SLC2A5: variants seen among roughly 807,000 people sequenced by gnomAD.
SLC2A5 encodes solute carrier family 2, facilitated glucose transporter member 5.
Under a neutral mutation model 50.3 loss-of-function variants are expected in SLC2A5, and 56 were observed. The observed-to-expected ratio is 1.11, with a 90% confidence interval of 0.90 to 1.39. The LOEUF is 1.39. SLC2A5 is among the 40% of genes most tolerant of loss of function. The probability of loss-of-function intolerance (pLI) is 0.00; values close to 1 mark genes in which losing one functional copy is unlikely to be tolerated. For missense variants in SLC2A5, 566 were observed against 650.1 expected (o/e 0.87, Z 1.41); for synonymous variants, 269 against 281.9 (o/e 0.95, Z 0.46).
At position 9,040,203 on chromosome 1, in the gene SLC2A5, A is replaced by G. The variant is rs1301944072; in HGVS notation, c.572-14T>C. 5 of 1,545,546 alleles carry G rather than the reference A, an allele frequency of 3.2e-6. No individual in the cohort carries two copies. The highest frequency in any genetic ancestry group is 4.4e-6 in the Non-Finnish European group (5 of 1,146,606). ...GGATCGGCCAGCCTGGGAGGAAGGC[A>G]GCGAGCTGGCACCAGCGGCCTCCCC... On this transcript the variant is annotated splice_polypyrimidine_tract_variant and intron_variant, in intron 5 of 11. Transcript: ENST00000377424. This position sits in a 1 kb window ranked among gnomAD's most constrained non-coding sequence, Gnocchi z 4.3.
At chr1:9,081,045 C>T (rs1328829371) in intron 2 of SLC2A5, among the ~76,000 whole-genome samples, 3 of 151,996 alleles carry the variant, frequency 2.0e-5, no homozygotes, top group Non-Finnish European at 4.4e-5. Context: ...TAAGACTGGC[C>T]TGGACAATGT....
upstream of SLC2A5, among the ~76,000 whole-genome samples, chr1:9,092,169 G>A (rs910765910): frequency 2.0e-5 from 3 of 152,102 alleles, no homozygotes; most frequent in African/African-American, 7.2e-5. Flanking sequence ...AGGCTGACTT[G>A]GGTAAAACAT....
intron 5 of SLC2A5, 182 bp downstream of exon 5, chr1:9,041,603 G>A (rs539577535): frequency 4.8e-5 from 70 of 1,448,736 alleles, no homozygotes; most frequent in South Asian, 1.4e-4. Context: ...CCCTTATCGC[G>A]CCTTTGTCCA....
At position 9,037,240 on chromosome 1, in the gene SLC2A5, G is replaced by GT. The variant is rs1439155686; in HGVS notation, c.*345dup. Reference sequence around the variant, plus strand: ...TGATTCCTTCCATCTCACCACTATAGTAACTGTTGTTGTTATGTTACCAGG... The same window carrying GT: ...TGATTCCTTCCATCTCACCACTATAGTTAACTGTTGTTGTTATGTTACCAGG... On this transcript the variant is annotated 3_prime_UTR_variant, in exon 12 of 12. Coordinates refer to ENST00000377424, the MANE Select transcript of SLC2A5 (RefSeq NM_003039.3). The GT allele has an allele frequency of 2.1e-5, 6 of 291,532 alleles. No homozygotes were observed. Among genetic ancestry groups the GT allele is most frequent in the Non-Finnish European group, 2.6e-5 (4 of 151,110 alleles). 18.1% of individuals were successfully genotyped at this position (291,532 alleles called of 1,614,324 possible).
chr1:9,077,760 AGAGGGAGG>A (rs897950832), intron 2 of SLC2A5, among the ~76,000 whole-genome samples: 1 of 101,852 alleles, frequency 9.8e-6, no homozygotes, highest in Non-Finnish European at 1.9e-5. Flanking sequence ...AGGGAGGGAG[AGAGGGAGG>A]GAGGGAGGGA....
intron 2 of SLC2A5, among the ~76,000 whole-genome samples, chr1:9,077,696 G>A (rs564919380): frequency 2.1e-5 from 3 of 142,564 alleles, no homozygotes; most frequent in South Asian, 2.4e-4. Context: ...AGTGAGCCGA[G>A]ATCATTCCAT....
upstream of SLC2A5, among the ~76,000 whole-genome samples, chr1:9,091,120 T>A (rs1342365230): frequency 1.3e-5 from 2 of 152,318 alleles, no homozygotes; most frequent in Non-Finnish European, 2.9e-5. Flanking sequence ...TATTTCTGAA[T>A]ATGGATAGCA....
chr1:9,049,138 A>T (rs1365205822), intron 3 of SLC2A5: 1 of 456,208 alleles, frequency 2.2e-6, no homozygotes, highest in South Asian at 1.5e-5. Flanking sequence ...ACTTCTCTGG[A>T]GGGGCCTCTC....
rs1384650007 is a variant in SLC2A5 at position 9,063,782 on chromosome 1, G to A, written c.34-5532C>T. On this transcript the variant is annotated intron_variant, in intron 1 of 11. Transcript: ENST00000377424. ...GCGATCTCGGCTCACTGCAAGCTCC[G>A]CCTCCCGGGTTCACGCCATTCTCCT... is the stretch of plus-strand genomic sequence containing the variant. Among the ~76,000 whole-genome samples the A allele has an allele frequency of 5.2e-5, 6 of 114,900 alleles. 1 individual carries two copies. Among genetic ancestry groups the A allele is most frequent in the African/African-American group, 1.9e-4 (5 of 26,628 alleles). The allele number at this position is 114,900 out of a possible 152,430, so 75.4% of individuals were successfully genotyped here.
chr1:9,057,213 G>A (rs1366872544), intron 3 of SLC2A5, among the ~76,000 whole-genome samples: 3 of 151,514 alleles, frequency 2.0e-5, no homozygotes, highest in Non-Finnish European at 2.9e-5. Flanking sequence ...TTGAACCTGG[G>A]AGGCGGAGGT....
Position 9,040,093 on chromosome 1 carries a change from T to C in SLC2A5, c.668A>G (p.Gln223Arg), listed in dbSNP as rs1237876654. Residue 223 changes from glutamine (Q) to arginine (R), a missense_variant, in exon 6 of 12, where the codon CAG becomes CGG. Transcript: ENST00000377424. The surrounding 1 kb of genome is among the most constrained non-coding windows in gnomAD (Gnocchi z 4.3). ...FPESPRYLLI[Q>R]KKDEAAAKKA... ...CTTGGCGGCCGCTTCGTCTTTCTTC[T>C]GAATCAGCAGGTACCTGGGGCTCTC... The C allele has an allele frequency of 1.9e-6, 3 of 1,594,934 alleles. No homozygotes were observed. The highest frequency in any genetic ancestry group is 2.6e-6 in the Non-Finnish European group (3 of 1,170,558).
chr1:9,037,447 TG>T lies in SLC2A5; in HGVS notation c.*138del. ...GCCCTTTGCACAGTTCCCACTGGGGTGGGGAGGCTGGAGATGAGGACTGCAT... is the reference window on the plus strand; with the variant it reads ...GCCCTTTGCACAGTTCCCACTGGGGTGGGAGGCTGGAGATGAGGACTGCAT... On this transcript the variant is annotated 3_prime_UTR_variant, in exon 12 of 12. Coordinates refer to ENST00000377424, the MANE Select transcript of SLC2A5 (RefSeq NM_003039.3). The T allele has an allele frequency of 1.4e-6, 1 of 713,664 alleles. No individual in the cohort carries two copies. 44.2% of individuals were successfully genotyped at this position (713,664 alleles called of 1,614,324 possible). A position where few individuals can be genotyped will look rare whatever the true frequency, so the allele number is the denominator to read the frequency against.
chr1:9,085,665 A>C (rs1385718186), intron 1 of SLC2A5, among the ~76,000 whole-genome samples: 1 of 152,180 alleles, frequency 6.6e-6, no homozygotes, highest in African/African-American at 2.4e-5. Context: ...GTTAAGTTTT[A>C]AGAGCCCTGA....
intron 2 of SLC2A5, among the ~76,000 whole-genome samples, chr1:9,081,906 A>G (rs900645205): frequency 2.0e-5 from 3 of 151,924 alleles, no homozygotes; most frequent in African/African-American, 7.3e-5. Flanking sequence ...ACATGGCAAA[A>G]CCCCACCTCT....
chr1:9,092,512 C>A (rs116198061), upstream of SLC2A5, among the ~76,000 whole-genome samples: 3 of 152,270 alleles, frequency 2.0e-5, no homozygotes, highest in South Asian at 6.2e-4. Context: ...TCCAATACCC[C>A]CTTCTTTCCC....
At chr1:9,057,315 A>AT in intron 3 of SLC2A5, 133 bp downstream of exon 3, 2 of 456,724 alleles carry the variant, frequency 4.4e-6, no homozygotes, top group Non-Finnish European at 7.2e-6. Flanking sequence ...AAAAAAAAAA[A>AT]GAAAGAAAAA....
intron 3 of SLC2A5, among the ~76,000 whole-genome samples, chr1:9,056,331 C>T (rs1215391644): frequency 6.6e-6 from 1 of 152,062 alleles, no homozygotes; most frequent in East Asian, 1.9e-4. Context: ...GTTACAGGCA[C>T]CCACCACCAT....
chr1:9,051,394 G>T (rs1034305183), intron 3 of SLC2A5, among the ~76,000 whole-genome samples: 2 of 152,138 alleles, frequency 1.3e-5, no homozygotes, highest in African/African-American at 4.8e-5. Flanking sequence ...GAAAATATTT[G>T]CAGAAGGCAT....
intron 4 of SLC2A5, among the ~76,000 whole-genome samples, chr1:9,042,268 G>C (rs1289411886): frequency 6.6e-6 from 1 of 152,118 alleles, no homozygotes; most frequent in East Asian, 1.9e-4. Context: ...TTCATAAAAG[G>C]CAAGGCAGCT....
Sources: allele counts gnomAD v4.1 joint callset (sites outside exome capture counted in the v4.1 genomes callset), GRCh38; gene constraint gnomAD v4.1.1; non-coding constraint Gnocchi (gnomAD v3.1); transcripts MANE v1.5; gene names NCBI Gene and HGNC (gene_info 2026-07-23, HGNC 2026-07-21).